AMN1: variants seen among roughly 807,000 people sequenced by gnomAD.
AMN1 encodes the protein antagonist of mitotic exit network 1 homolog.
AMN1 carries 20 observed loss-of-function variants against 33.0 expected under a neutral mutation model. That is an observed-to-expected ratio of 0.61 (90% CI 0.43 to 0.88). The LOEUF is 0.88. Ranked by LOEUF, AMN1 falls within the 40% of genes least tolerant of loss-of-function variation. The pLI is 0.00. For missense variants in AMN1, 246 were observed against 307.4 expected (o/e 0.80, Z 1.49); for synonymous variants, 114 against 111.9 (o/e 1.02, Z -0.12).
intron 5 of AMN1, among the ~76,000 whole-genome samples, chr12:31,690,343 A>G (rs937474902): frequency 1.4e-4 from 21 of 152,240 alleles, no homozygotes; most frequent in Non-Finnish European, 2.9e-5. Flanking sequence ...ACTGTTTTCA[A>G]TAGTGGTTGT....
chr12:31,696,692 C>T (rs1231079031), intron 5 of AMN1, among the ~76,000 whole-genome samples: 2 of 152,114 alleles, frequency 1.3e-5, no homozygotes, highest in African/African-American at 2.4e-5. Flanking sequence ...TATGAGAGGC[C>T]GAGGCGGTCG....
At chr12:31,715,054 C>A in intron 1 of AMN1, 1 of 310,110 alleles carries the variant, frequency 3.2e-6, no homozygotes, top group Non-Finnish European at 4.7e-6. Context: ...ATATGTTTCA[C>A]AAAGCCAGTA....
chr12:31,674,019 T>A (rs1182271501), intron 6 of AMN1, among the ~76,000 whole-genome samples: 1 of 152,192 alleles, frequency 6.6e-6, no homozygotes, highest in African/African-American at 2.4e-5. Context: ...TTATCTTTTT[T>A]TTTTTTTGGA....
chr12:31,724,560 G>T (rs530486835), intron 1 of AMN1, among the ~76,000 whole-genome samples: 65 of 152,146 alleles, frequency 4.3e-4, no homozygotes, highest in Non-Finnish European at 7.3e-4. Flanking sequence ...TACCATGGTT[G>T]ACTGCAGGTA....
rs867255016 is a variant in AMN1, at chr12:31,702,468, A to T, written c.172-461T>A. Among the ~76,000 whole-genome samples the T allele has an allele frequency of 2.3e-4, 35 of 152,290 alleles. 1 individual carries two copies. Among genetic ancestry groups the T allele is most frequent in the Middle Eastern group, 3.4e-3 (1 of 294 alleles). ...TCTATATCATTATTTTTGGGAGCTA[A>T]TAAAATACCCCAGTATTATTGGGTG... On this transcript the variant is annotated intron_variant, in intron 2 of 6. Coordinates refer to ENST00000281471, the MANE Select transcript of AMN1 (RefSeq NM_001113402.2).
At chr12:31,689,298 A>G (rs1938402588) in intron 5 of AMN1, among the ~76,000 whole-genome samples, 180 bp from the exon 6 acceptor site, 1 of 152,234 alleles carries the variant, frequency 6.6e-6, no homozygotes, top group African/African-American at 2.4e-5. Flanking sequence ...AAAAAGTTAA[A>G]TGCCCAACCA....
In AMN1 at chr12:31,683,037, A is replaced by G. The variant is rs776123668; in HGVS notation, c.703+5970T>C. ...GAGTGCAGTGGCACAATCTTGGCTA[A>G]TTGCAACCTCTGCCCCCCAGGCTCA... On this transcript the variant is annotated intron_variant, in intron 6 of 6. Coordinates refer to ENST00000281471, the MANE Select transcript of AMN1 (RefSeq NM_001113402.2). The surrounding 1 kb of genome is among the most constrained non-coding windows in gnomAD (Gnocchi z 4.1). Among the ~76,000 whole-genome samples the G allele has an allele frequency of 1.8e-4, 27 of 150,318 alleles. No homozygotes were observed. Among genetic ancestry groups the G allele is most frequent in the Middle Eastern group, 6.8e-3 (2 of 292 alleles).
At chr12:31,728,587 A>G (rs1940175995) in intron 1 of AMN1, among the ~76,000 whole-genome samples, 2 of 152,300 alleles carry the variant, frequency 1.3e-5, no homozygotes, top group African/African-American at 4.8e-5. Context: ...TGTTTATTCC[A>G]GTTACAGGGG....
At chr12:31,720,801 A>G (rs556250543) in intron 1 of AMN1, among the ~76,000 whole-genome samples, 4 of 152,294 alleles carry the variant, frequency 2.6e-5, no homozygotes, top group Admixed American at 2.0e-4. Context: ...CATTTTGTTT[A>G]TTGATTCATC....
intron 2 of AMN1, among the ~76,000 whole-genome samples, chr12:31,703,960 G>A (rs1939114788): frequency 6.6e-6 from 1 of 152,120 alleles, no homozygotes; most frequent in African/African-American, 2.4e-5. Flanking sequence ...ACTAAAACAG[G>A]ATATGTTGTG....
intron 1 of AMN1, among the ~76,000 whole-genome samples, chr12:31,710,845 T>C (rs374627432): frequency 1.3e-5 from 2 of 152,208 alleles, no homozygotes; most frequent in South Asian, 2.1e-4. Flanking sequence ...AAACACTTCA[T>C]ATTTCTATTA....
At chr12:31,724,006 G>A (rs913122063) in intron 1 of AMN1, among the ~76,000 whole-genome samples, 5 of 152,160 alleles carry the variant, frequency 3.3e-5, no homozygotes, top group Non-Finnish European at 1.5e-5. Flanking sequence ...TAAAGCATTT[G>A]AAGTGACTGA....
intron 1 of AMN1, 23 bp from the exon 2 acceptor site, chr12:31,709,448 TA>T (rs766688534): frequency 6.3e-7 from 1 of 1,595,028 alleles, no homozygotes; most frequent in South Asian, 1.1e-5. Context: ...TACAATATAG[TA>T]AATCACACTG....
At chr12:31,679,167 A>T (rs986254770) in intron 6 of AMN1, among the ~76,000 whole-genome samples, 2 of 152,124 alleles carry the variant, frequency 1.3e-5, no homozygotes, top group African/African-American at 2.4e-5. Flanking sequence ...AAATAAATAA[A>T]AATTTAAAAT....
intron 5 of AMN1, among the ~76,000 whole-genome samples, chr12:31,696,796 C>G (rs1938746249): frequency 6.6e-6 from 1 of 151,704 alleles, no homozygotes; most frequent in Non-Finnish European, 1.5e-5. Flanking sequence ...TGGCACACAT[C>G]TGTAATCCTA....
intron 6 of AMN1, among the ~76,000 whole-genome samples, chr12:31,674,477 C>A (rs1220039744): frequency 6.6e-6 from 1 of 151,986 alleles, no homozygotes; most frequent in Admixed American, 6.6e-5. Flanking sequence ...GTCCTCTCTC[C>A]TTCTACTTTT....
intron 5 of AMN1, among the ~76,000 whole-genome samples, chr12:31,689,949 C>A (rs553870257): frequency 1.3e-5 from 2 of 152,266 alleles, no homozygotes; most frequent in African/African-American, 4.8e-5. Context: ...TCCATTATGT[C>A]ATTCTTATGC....
At chr12:31,691,465 T>C (rs1938496745) in intron 5 of AMN1, among the ~76,000 whole-genome samples, 1 of 152,092 alleles carries the variant, frequency 6.6e-6, no homozygotes, top group Admixed American at 6.6e-5. Flanking sequence ...AAATGTTCTA[T>C]ACATCAATTG....
intron 6 of AMN1, chr12:31,673,004 T>C (rs1951315033): frequency 6.6e-6 from 1 of 152,268 alleles, no homozygotes; most frequent in African/African-American, 2.4e-5. Flanking sequence ...TTATTGGACA[T>C]TTAGATGTTT....
Sources: gnomAD v4.1 joint callset for allele counts (sites outside exome capture counted in the v4.1 genomes callset) on GRCh38, gnomAD v4.1.1 for gene constraint, Gnocchi (gnomAD v3.1) non-coding constraint, MANE v1.5 for transcripts, NCBI Gene and HGNC (gene_info 2026-07-23, HGNC 2026-07-21) for gene names.